The following ABTB2 variants were observed in gnomAD, a reference collection of about 807,000 sequenced individuals.
The protein encoded by ABTB2 is ankyrin repeat and BTB/POZ domain-containing protein 2.
Under a neutral mutation model 104.1 loss-of-function variants are expected in ABTB2, and 56 were observed. The observed-to-expected ratio is 0.54, with a 90% CI of 0.43 to 0.67. The LOEUF (loss-of-function observed/expected upper bound fraction) is 0.67. Ranked by LOEUF, ABTB2 falls within the 30% of genes least tolerant of loss-of-function variation. The pLI is 0.00. For synonymous variants in ABTB2, 606 were observed against 608.2 expected, an observed-to-expected ratio of 1.00 and a Z score of 0.05; for missense variants, 1,279 against 1,407.7, an observed-to-expected ratio of 0.91 and a Z score of 1.46.
chr11:34,353,122 T>C (rs1855419461), intron 1 of ABTB2, among the ~76,000 whole-genome samples: 1 of 152,352 alleles, frequency 6.6e-6, no homozygotes, highest in Middle Eastern at 3.4e-3. Context: ...CAAACTCTCA[T>C]GGTGAATCCA....
chr11:34,272,733 C>CAAACA (rs1323130706), intron 1 of ABTB2, among the ~76,000 whole-genome samples: 7 of 127,650 alleles, frequency 5.5e-5, no homozygotes, highest in African/African-American at 2.1e-4. Flanking sequence ...AAAAAAAAAC[C>CAAACA]AACCAACCAT....
intron 1 of ABTB2, among the ~76,000 whole-genome samples, chr11:34,285,141 G>A (rs1006337867): frequency 6.6e-6 from 1 of 152,166 alleles, no homozygotes; most frequent in African/African-American, 2.4e-5. Context: ...CAATCCAGGC[G>A]GAAATCACAG....
In ABTB2 at chr11:34,271,062, A is replaced by G. The variant is rs1296292288; in HGVS notation, c.884-66372T>C. ...ATGAGACAGGGAGTAACAAGCAGCC[A>G]CATGACCCTGGATAAAGCTGTATAG... On this transcript the variant is annotated intron_variant, in intron 1 of 16. Transcript: ENST00000435224. 2.0e-5 allele frequency among the ~76,000 whole-genome samples: 3 copies of G among 152,298 alleles called. No individual in the cohort carries two copies. The East Asian group carries it at 5.8e-4, about 29-fold the overall frequency.
Position 34,154,294 on chromosome 11 carries a change from T to A in ABTB2, c.2851A>T (p.Ser951Cys). 2 of 1,614,018 alleles carry A rather than the reference T, an allele frequency of 1.2e-6. No homozygotes were observed. Among genetic ancestry groups the A allele is most frequent in the Non-Finnish European group, 1.7e-6 (2 of 1,179,954 alleles). ...ILCSQTLSME[S>C]AVNTYKYAKI... ...GCATATTTGTAGGTGTTCACGGCAC[T>A]CTCCATGCTGAGGGTCTGGGAGCAC... Residue 951 changes from serine (S) to cysteine (C), a missense_variant, in exon 16 of 17, where the codon AGT (serine) becomes TGT (cysteine). Physicochemically the swap from Ser to Cys is moderately radical, Grantham distance 112. Coordinates refer to ENST00000435224, the MANE Select transcript of ABTB2 (RefSeq NM_145804.3). This position sits in a 1 kb window ranked among gnomAD's most constrained non-coding sequence, Gnocchi z 4.9.
chr11:34,206,850 T>C (rs760047430), intron 1 of ABTB2, among the ~76,000 whole-genome samples: 3 of 152,138 alleles, frequency 2.0e-5, no homozygotes, highest in Non-Finnish European at 4.4e-5. Context: ...GCTGATGTGG[T>C]GAAGGCCCCC....
intron 1 of ABTB2, among the ~76,000 whole-genome samples, chr11:34,348,500 C>A (rs932234491): frequency 3.9e-5 from 6 of 152,272 alleles, no homozygotes; most frequent in Middle Eastern, 3.4e-3. Context: ...CACACTGTTC[C>A]CTCTGCCTGG....
At chr11:34,172,184 C>G (rs1852883365) in intron 4 of ABTB2, among the ~76,000 whole-genome samples, 1 of 151,602 alleles carries the variant, frequency 6.6e-6, no homozygotes, top group Admixed American at 6.6e-5. Context: ...ACCAGCCTGA[C>G]CAACATGATG....
rs5790978 is a variant in ABTB2 at position 34,214,532 on chromosome 11, C to CTTT, written c.884-9845_884-9843dup. ...GAAAAAGTGAATGTTAAAAATACCACTTTTTTTTTTTTTTTTTTTTTTTTA... is the reference window on the plus strand; with the variant it reads ...GAAAAAGTGAATGTTAAAAATACCACTTTTTTTTTTTTTTTTTTTTTTTTTTTA... On this transcript the variant is annotated intron_variant, in intron 1 of 16. Coordinates refer to ENST00000435224, the MANE Select transcript of ABTB2 (RefSeq NM_145804.3). Among the ~76,000 whole-genome samples the CTTT allele has an allele frequency of 2.6e-4, 32 of 123,188 alleles. 2 individuals are homozygous for CTTT. Among genetic ancestry groups the CTTT allele is most frequent in the Admixed American group, 2.3e-3 (25 of 10,818 alleles). The allele number at this position is 123,188 out of a possible 152,430, so 80.8% of individuals were successfully genotyped here.
At position 34,357,829 on chromosome 11, in the gene ABTB2, T is replaced by G; in HGVS notation, c.-246A>C. The stretch of plus-strand genomic sequence containing the variant: ...CTGCCACTGGAAAGAACCCCGTCGC[T>G]ACCCCCCGGCACTCCCCCTTGTCCA... On this transcript the variant is annotated 5_prime_UTR_variant, in exon 1 of 17. Transcript: ENST00000435224. The G allele has an allele frequency of 2.0e-6, 1 of 488,672 alleles. No individual in the cohort carries two copies. Among genetic ancestry groups the G allele is most frequent in the South Asian group, 3.3e-5 (1 of 30,324 alleles). The allele number at this position is 488,672 out of a possible 1,614,324, so 30.3% of individuals were successfully genotyped here. A position where few individuals can be genotyped will look rare whatever the true frequency, so the allele number is the denominator to read the frequency against.
At chr11:34,157,648 AAG>A (rs988441903) in intron 14 of ABTB2, among the ~76,000 whole-genome samples, 1 of 152,196 alleles carries the variant, frequency 6.6e-6, no homozygotes, top group African/African-American at 2.4e-5. Context: ...GGGGTGAGAA[AAG>A]AGGGAAGGGG....
At chr11:34,273,957 C>G (rs1854351457) in intron 1 of ABTB2, among the ~76,000 whole-genome samples, 1 of 150,664 alleles carries the variant, frequency 6.6e-6, no homozygotes. Context: ...TCGAGACCAT[C>G]CTGGCTAACA....
At chr11:34,234,204 G>A (rs1039020847) in intron 1 of ABTB2, among the ~76,000 whole-genome samples, 6 of 152,154 alleles carry the variant, frequency 3.9e-5, no homozygotes, top group South Asian at 2.1e-4. Context: ...TGGAGGAGGT[G>A]CCTAAAGCAG....
At chr11:34,298,112 C>T (rs926690981) in intron 1 of ABTB2, among the ~76,000 whole-genome samples, 34 of 151,258 alleles carry the variant, frequency 2.2e-4, no homozygotes, top group African/African-American at 5.6e-4. Context: ...AATAAATTAC[C>T]CAGTCTCAGG....
Position 34,357,943 on chromosome 11 carries a change from G to A in ABTB2, c.-360C>T, listed in dbSNP as rs930990032. ...GGCGGCGGCAGAAGGAGGAGGCGGCGGCGCAGGGCGCAGGGCGCAGCGCGA... is the reference window on the plus strand; with the variant it reads ...GGCGGCGGCAGAAGGAGGAGGCGGCAGCGCAGGGCGCAGGGCGCAGCGCGA... On this transcript the variant is annotated 5_prime_UTR_variant, in exon 1 of 17. Transcript: ENST00000435224. The A allele has an allele frequency of 1.8e-5, 4 of 220,218 alleles. No individual in the cohort carries two copies. Among genetic ancestry groups the A allele is most frequent in the Non-Finnish European group, 8.9e-6 (1 of 112,976 alleles). 13.6% of individuals were successfully genotyped at this position (220,218 alleles called of 1,614,324 possible). A position where few individuals can be genotyped will look rare whatever the true frequency, so the allele number is the denominator to read the frequency against.
chr11:34,198,317 C>T (rs1269767380), intron 2 of ABTB2, among the ~76,000 whole-genome samples: 3 of 152,006 alleles, frequency 2.0e-5, no homozygotes, highest in Non-Finnish European at 4.4e-5. Flanking sequence ...CCCAGCTACT[C>T]GGGACGCTGA....
chr11:34,273,200 C>T (rs1480873195), intron 1 of ABTB2, among the ~76,000 whole-genome samples: 5 of 152,140 alleles, frequency 3.3e-5, no homozygotes, highest in Non-Finnish European at 5.9e-5. Context: ...GCCTGACTTC[C>T]GCCACAGGGC....
intron 16 of ABTB2, among the ~76,000 whole-genome samples, chr11:34,153,427 C>G (rs545393820): frequency 2.0e-5 from 3 of 152,104 alleles, no homozygotes; most frequent in South Asian, 2.1e-4. Flanking sequence ...AGCTGGAGTG[C>G]GCATGATCAC....
At chr11:34,249,622 T>C (rs1212349010) in intron 1 of ABTB2, among the ~76,000 whole-genome samples, 1 of 152,196 alleles carries the variant, frequency 6.6e-6, no homozygotes, top group Non-Finnish European at 1.5e-5. Context: ...AACTCGGAGC[T>C]TTGTCCCAGT....
chr11:34,154,680 T>TC lies in ABTB2; in HGVS notation c.2766+20dup. ...GCTGGGCACCCTAGCCCAGGCCCCCTCCCCCTCTCCCGAGTCTCACCTCCA... is the reference window on the plus strand; with the variant it reads ...GCTGGGCACCCTAGCCCAGGCCCCCTCCCCCCTCTCCCGAGTCTCACCTCCA... On this transcript the variant is annotated intron_variant, in intron 15 of 16. Transcript: ENST00000435224. The surrounding 1 kb of genome is among the most constrained non-coding windows in gnomAD (Gnocchi z 4.9). The TC allele has an allele frequency of 6.2e-7, 1 of 1,612,572 alleles. No individual in the cohort carries two copies. The highest frequency in any genetic ancestry group is 8.5e-7 in the Non-Finnish European group (1 of 1,178,920).
Sources: allele counts gnomAD v4.1 joint callset (sites outside exome capture counted in the v4.1 genomes callset), GRCh38; gene constraint gnomAD v4.1.1; non-coding constraint Gnocchi (gnomAD v3.1); transcripts MANE v1.5; gene names NCBI Gene and HGNC (gene_info 2026-07-23, HGNC 2026-07-21).